Variants in PHF2 observed in about 807,000 individuals in gnomAD.
PHF2 encodes lysine-specific demethylase PHF2.
A neutral mutation model predicts 120.5 loss-of-function variants in PHF2; 27 were observed. That is an observed-to-expected ratio of 0.22 (90% CI 0.17 to 0.31). PHF2 has a LOEUF of 0.31. Ranked by LOEUF, PHF2 falls within the 10% of genes least tolerant of loss-of-function variation. The pLI is 1.00. For missense variants in PHF2, 1,024 were observed against 1,434.8 expected, an observed-to-expected ratio of 0.71 and a Z score of 4.63; for synonymous variants, 568 against 592.5, an observed-to-expected ratio of 0.96 and a Z score of 0.60.
At chr9:93,669,225 C>G (rs1157818455) in intron 17 of PHF2, among the ~76,000 whole-genome samples, 1 of 152,226 alleles carries the variant, frequency 6.6e-6, no homozygotes, top group Non-Finnish European at 1.5e-5. Flanking sequence ...GTGCAGGCCC[C>G]CGCCCTCCAG....
At position 93,665,843 on chromosome 9, in the gene PHF2, G is replaced by A. The variant is rs996570068; in HGVS notation, c.2095G>A (p.Ala699Thr). The A allele has an allele frequency of 3.7e-6, 6 of 1,603,800 alleles. No homozygotes were observed. The highest frequency in any genetic ancestry group is 1.3e-5 in the African/African-American group (1 of 74,740). ...GTTTCCCATCAGGAGGAAGAAAAAC[G>A]CCCCGAAAAGGGACTTGTCCTGTGA... ...DEFPIRRKKN[A>T]PKRDLSFLLD... The change falls in exon 15 of 22, where the codon GCC (alanine) becomes ACC (threonine). Residue 699 changes from alanine (A) to threonine (T), a missense_variant. This residue lies in a region of PHF2 where 677 missense variants were observed against 857.4 expected (regional missense o/e 0.79). Transcript: ENST00000359246.
chr9:93,590,556 C>T (rs571804032), intron 1 of PHF2, among the ~76,000 whole-genome samples: 20 of 152,364 alleles, frequency 1.3e-4, no homozygotes, highest in African/African-American at 4.6e-4. Context: ...GGCCAAGCCT[C>T]ATTTGCTTTA....
chr9:93,595,299 A>G (rs1474396354), intron 1 of PHF2, among the ~76,000 whole-genome samples: 2 of 152,204 alleles, frequency 1.3e-5, no homozygotes, highest in Non-Finnish European at 1.5e-5. Context: ...GATTACTTAT[A>G]TGTACTTAGA....
intron 1 of PHF2, among the ~76,000 whole-genome samples, chr9:93,578,730 CAG>C (rs1377322874): frequency 6.6e-6 from 1 of 152,212 alleles, no homozygotes; most frequent in Non-Finnish European, 1.5e-5. Context: ...AGGCAGGCGA[CAG>C]GGGCTGAGAG....
At chr9:93,675,248 C>T (rs1269202078) in intron 19 of PHF2, among the ~76,000 whole-genome samples, 1 of 152,214 alleles carries the variant, frequency 6.6e-6, no homozygotes, top group African/African-American at 2.4e-5. Flanking sequence ...TGTGCTTCTA[C>T]ACAGCCCCAA....
At chr9:93,594,590 A>G (rs1313074849) in intron 1 of PHF2, among the ~76,000 whole-genome samples, 1 of 152,186 alleles carries the variant, frequency 6.6e-6, no homozygotes, top group Non-Finnish European at 1.5e-5. Flanking sequence ...AGGCTGTGTG[A>G]ACTGAGCTTC....
At chr9:93,665,568 A>G (rs1587716973) in intron 14 of PHF2, 118 bp from the exon 15 acceptor site, 1 of 1,080,362 alleles carries the variant, frequency 9.3e-7, no homozygotes, top group Non-Finnish European at 1.3e-6. Context: ...TGGCAACGTC[A>G]CCTGCCTCCT....
chr9:93,666,640 T>C (rs890371457), intron 16 of PHF2, among the ~76,000 whole-genome samples: 1 of 152,198 alleles, frequency 6.6e-6, no homozygotes, highest in African/African-American at 2.4e-5. Flanking sequence ...TTTAAAAATG[T>C]TAAAAAACTG....
At chr9:93,593,908 T>C (rs900890878) in intron 1 of PHF2, among the ~76,000 whole-genome samples, 1 of 152,254 alleles carries the variant, frequency 6.6e-6, no homozygotes, top group Admixed American at 6.5e-5. Flanking sequence ...TTTGTACTTT[T>C]CTGTACATTC....
chr9:93,659,373 C>T, intron 10 of PHF2, 138 bp from the exon 11 acceptor site: 1 of 667,746 alleles, frequency 1.5e-6, no homozygotes, highest in Non-Finnish European at 2.7e-6. Flanking sequence ...CTTGCCAGGG[C>T]AGAGTTTGGC....
chr9:93,672,868 A>G (rs1394642189), intron 17 of PHF2: 1 of 959,476 alleles, frequency 1.0e-6, no homozygotes, highest in Non-Finnish European at 1.2e-6. Flanking sequence ...AGGTAGGTAC[A>G]GGTGTAGATG....
chr9:93,614,128 A>T (rs1047957153), intron 1 of PHF2, among the ~76,000 whole-genome samples: 18 of 152,122 alleles, frequency 1.2e-4, no homozygotes, highest in African/African-American at 4.3e-4. Context: ...GACCATGGCC[A>T]CCTCCCTCTA....
chr9:93,582,466 C>T (rs1489155353), intron 1 of PHF2, among the ~76,000 whole-genome samples: 3 of 152,186 alleles, frequency 2.0e-5, no homozygotes, highest in Non-Finnish European at 4.4e-5. Context: ...CAGGGTCTCT[C>T]GCTGTAGTGC....
At chr9:93,636,546 G>T in intron 3 of PHF2, 21 bp downstream of exon 3, 1 of 1,501,860 alleles carries the variant, frequency 6.7e-7, no homozygotes, top group Non-Finnish European at 9.1e-7. Flanking sequence ...CTTCCTGTAT[G>T]CTCCACCACC....
chr9:93,612,632 A>T (rs373523467), intron 1 of PHF2, among the ~76,000 whole-genome samples: 1 of 152,370 alleles, frequency 6.6e-6, no homozygotes, highest in East Asian at 1.9e-4. Flanking sequence ...CATCCTTCAC[A>T]TGCATTTCAG....
intron 1 of PHF2, among the ~76,000 whole-genome samples, chr9:93,615,262 AT>A (rs1825711838): frequency 7.0e-6 from 1 of 143,540 alleles, no homozygotes; most frequent in African/African-American, 2.6e-5. Context: ...GATGGTGATG[AT>A]TGGTGATGGT....
chr9:93,644,491 C>A (rs1027737200), intron 3 of PHF2, among the ~76,000 whole-genome samples: 1 of 152,098 alleles, frequency 6.6e-6, no homozygotes, highest in African/African-American at 2.4e-5. Context: ...CCTCCAGCTG[C>A]GGCTCCTGTC....
Position 93,659,535 on chromosome 9 carries a change from C to G in PHF2, c.1264C>G (p.Leu422Val), listed in dbSNP as rs745468234. 2 of 1,614,116 alleles carry G rather than the reference C, an allele frequency of 1.2e-6. No individual in the cohort carries two copies. Among genetic ancestry groups the G allele is most frequent in the Non-Finnish European group, 1.7e-6 (2 of 1,180,020 alleles). ...KQALAEHEDE[L>V]PEHFKPSQLI... ...GGCTTTGGCAGAGCATGAGGACGAGCTCCCGGAGCACTTCAAACCTTCACA... is the reference window on the plus strand; with the variant it reads ...GGCTTTGGCAGAGCATGAGGACGAGGTCCCGGAGCACTTCAAACCTTCACA... The change falls in exon 11 of 22, where the codon CTC becomes GTC. Residue 422 changes from leucine (L) to valine (V), a missense_variant. By Grantham distance (32) the Leu-to-Val change is conservative (BLOSUM62 1). Around this residue, in one of 2 missense-constraint regions of PHF2, gnomAD observed 347 missense variants for 577.4 expected, o/e 0.60. Coordinates refer to ENST00000359246, the MANE Select transcript of PHF2 (RefSeq NM_005392.4).
At chr9:93,578,704 T>C (rs1241371137) in intron 1 of PHF2, among the ~76,000 whole-genome samples, 1 of 152,040 alleles carries the variant, frequency 6.6e-6, no homozygotes, top group African/African-American at 2.4e-5. Context: ...AGGGAAAAAC[T>C]CCAGGAATGA....
Sources: allele counts gnomAD v4.1 joint callset (sites outside exome capture counted in the v4.1 genomes callset), GRCh38; gene constraint gnomAD v4.1.1; regional missense constraint gnomAD v4.1.1; transcripts MANE v1.5; gene names NCBI Gene and HGNC (gene_info 2026-07-23, HGNC 2026-07-21).